Variants in NOX4 observed in about 807,000 individuals in gnomAD.
NOX4 encodes the protein NADPH oxidase 4, also known as kidney oxidase-1.
In NOX4, 69 loss-of-function variants were observed where a neutral mutation model predicts 87.6. The observed-to-expected ratio is 0.79, with a 90% CI of 0.65 to 0.96. The LOEUF is 0.96. Among genes scored for constraint, NOX4 ranks in the 40% least tolerant of loss-of-function variants. The probability of loss-of-function intolerance (pLI) is 0.00; values close to 1 mark genes in which losing one functional copy is unlikely to be tolerated. For synonymous variants in NOX4, 275 were observed against 238.2 expected (o/e 1.15, Z -1.42); for missense variants, 680 against 681.5 (o/e 1.00, Z 0.02).
chr11:89,579,006 G>A, the NOX4 span, among the ~76,000 whole-genome samples: 1 of 152,090 alleles, frequency 6.6e-6, no homozygotes, highest in Non-Finnish European at 1.5e-5. Context: ...GCCATGAAAA[G>A]ACACAGAACC....
At chr11:89,366,660 C>A (rs1380774239) in intron 12 of NOX4, among the ~76,000 whole-genome samples, 1 of 149,020 alleles carries the variant, frequency 6.7e-6, no homozygotes, top group Admixed American at 6.7e-5. Flanking sequence ...TGCACTCTAG[C>A]CTGGGAGACA....
At chr11:89,551,346 A>G in the NOX4 span, among the ~76,000 whole-genome samples, 4 of 152,124 alleles carry the variant, frequency 2.6e-5, no homozygotes, top group South Asian at 2.1e-4. Context: ...AAGAAAGTCA[A>G]TGGTAGCTTG....
the NOX4 span, among the ~76,000 whole-genome samples, chr11:89,532,975 A>T: frequency 6.6e-6 from 1 of 152,148 alleles, no homozygotes; most frequent in African/African-American, 2.4e-5. Context: ...AGGCCTCCCC[A>T]GACATGCGGA....
chr11:89,578,030 T>G, the NOX4 span, among the ~76,000 whole-genome samples: 1 of 152,114 alleles, frequency 6.6e-6, no homozygotes, highest in Non-Finnish European at 1.5e-5. Flanking sequence ...TACCGTATGT[T>G]TTCTTAGGGC....
chr11:89,457,454 G>C (rs924231623), intron 2 of NOX4, among the ~76,000 whole-genome samples: 9 of 152,270 alleles, frequency 5.9e-5, no homozygotes, highest in African/African-American at 2.2e-4. Context: ...AACCCTGCCA[G>C]CACCAGCTTT....
intron 2 of NOX4, among the ~76,000 whole-genome samples, chr11:89,489,589 G>A (rs1946766014): frequency 6.6e-6 from 1 of 151,864 alleles, no homozygotes; most frequent in Non-Finnish European, 1.5e-5. Context: ...TTAGCCAGGT[G>A]TGCTGGTGCG....
chr11:89,578,990 T>C, the NOX4 span, among the ~76,000 whole-genome samples: 2 of 152,176 alleles, frequency 1.3e-5, no homozygotes, highest in Non-Finnish European at 2.9e-5. Context: ...ACAAATGAAC[T>C]ATCCAGCCAT....
intron 17 of NOX4, among the ~76,000 whole-genome samples, chr11:89,329,177 A>G (rs781693525): frequency 6.6e-6 from 1 of 151,962 alleles, no homozygotes; most frequent in Non-Finnish European, 1.5e-5. Context: ...AATCATGATG[A>G]GATGATAAAT....
intron 12 of NOX4, among the ~76,000 whole-genome samples, chr11:89,370,646 C>A (rs1939370259): frequency 6.6e-6 from 1 of 151,984 alleles, no homozygotes; most frequent in East Asian, 1.9e-4. Context: ...CTTGGGTAAT[C>A]CACTCCATCT....
At chr11:89,564,135 G>A in the NOX4 span, among the ~76,000 whole-genome samples, 472 of 152,120 alleles carry the variant, frequency 3.1e-3, 2 homozygotes, top group Non-Finnish European at 4.3e-3. Flanking sequence ...AGAATGCACC[G>A]CATGTTTCCT....
At chr11:89,387,655 T>C (rs191171915) in intron 11 of NOX4, among the ~76,000 whole-genome samples, 32 of 152,346 alleles carry the variant, frequency 2.1e-4, no homozygotes, top group Admixed American at 1.4e-3. Flanking sequence ...TTCTGCATTA[T>C]TTCCATAATT....
intron 2 of NOX4, among the ~76,000 whole-genome samples, chr11:89,462,865 T>C (rs1261623789): frequency 6.6e-6 from 1 of 151,906 alleles, no homozygotes; most frequent in Non-Finnish European, 1.5e-5. Flanking sequence ...ATAAAACTAT[T>C]TTTTTCAATG....
At chr11:89,417,739 T>A in intron 8 of NOX4, among the ~76,000 whole-genome samples, 1 of 152,126 alleles carries the variant, frequency 6.6e-6, no homozygotes, top group Non-Finnish European at 1.5e-5. Context: ...GTATTGGTAC[T>A]AGTATAATTT....
intron 1 of NOX4, 148 bp from the exon 2 acceptor site, chr11:89,490,701 A>C (rs1485406557): frequency 9.8e-6 from 7 of 716,288 alleles, no homozygotes; most frequent in Non-Finnish European, 1.8e-5. Flanking sequence ...TTAACCAGCA[A>C]GCTGAAAACC....
intron 2 of NOX4, among the ~76,000 whole-genome samples, chr11:89,472,468 T>G (rs1945989519): frequency 6.6e-6 from 1 of 152,204 alleles, no homozygotes; most frequent in South Asian, 2.1e-4. Context: ...AAATATACAG[T>G]TCATAATGAC....
chr11:89,326,764 A>C lies in NOX4; in HGVS notation c.1729T>G (p.Phe577Val). 1 of 1,612,766 alleles carries C rather than the reference A, an allele frequency of 6.2e-7. No individual in the cohort carries two copies. The highest frequency in any genetic ancestry group is 8.5e-7 in the Non-Finnish European group (1 of 1,179,268). ...GTRFEYNKES[F>V]S is the part of the protein sequence containing the mutation. ...CTTCATGGCAAAAGTTTTCAGCTGA[A>C]AGACTCTTTATTGTATTCAAATCTT... is the stretch of plus-strand genomic sequence containing the variant. The change falls in exon 18 of 18, where the codon TTC (phenylalanine) becomes GTC (valine). Residue 577 changes from phenylalanine to valine, a missense_variant. Coordinates refer to ENST00000263317, the MANE Select transcript of NOX4 (RefSeq NM_016931.5).
Position 89,365,455 on chromosome 11 carries a change from G to GA in NOX4, c.1135+7976dup, listed in dbSNP as rs11337701. On this transcript the variant is annotated intron_variant, in intron 12 of 17. Coordinates refer to ENST00000263317, the MANE Select transcript of NOX4 (RefSeq NM_016931.5). ...TATAACAAAAAATGAAAGAGGGTGG[G>GA]AAAAAAAAAAACAGTTTCAAAGAAA... 1.5e-3 allele frequency among the ~76,000 whole-genome samples: 218 copies of GA among 147,394 alleles called. 3 individuals are homozygous for GA. In the East Asian group the frequency reaches 0.026, roughly 18 times the overall value.
intron 11 of NOX4, among the ~76,000 whole-genome samples, chr11:89,374,590 A>T (rs1939695423): frequency 6.6e-6 from 1 of 152,172 alleles, no homozygotes. Flanking sequence ...GGCTTAAAAT[A>T]TTGACTTGCC....
intron 6 of NOX4, among the ~76,000 whole-genome samples, chr11:89,438,578 A>C (rs1248341633): frequency 3.4e-5 from 3 of 87,428 alleles, no homozygotes; most frequent in Non-Finnish European, 5.8e-5. Flanking sequence ...AATATATACT[A>C]TATATTATAT....
Sources: gnomAD v4.1 joint callset for allele counts (sites outside exome capture counted in the v4.1 genomes callset) on GRCh38, gnomAD v4.1.1 for gene constraint, MANE v1.5 for transcripts, NCBI Gene and HGNC (gene_info 2026-07-23, HGNC 2026-07-21) for gene names.